Variants in STK24 observed in about 807,000 individuals in gnomAD.
The protein encoded by STK24 is serine/threonine kinase 24.
STK24 carries 21 observed loss-of-function variants against 55.6 expected under a neutral mutation model. The ratio of observed to expected loss-of-function variants is 0.38; its 90% CI spans 0.27 to 0.54. The LOEUF (loss-of-function observed/expected upper bound fraction) is 0.54. STK24 is among the 20% of genes least tolerant of loss of function. The pLI is 0.79. For synonymous variants in STK24, 200 were observed against 215.2 expected, an observed-to-expected ratio of 0.93 and a Z score of 0.62; for missense variants, 383 against 538.4, an observed-to-expected ratio of 0.71 and a Z score of 2.86.
intron 2 of STK24, among the ~76,000 whole-genome samples, chr13:98,513,851 C>T (rs9513436): frequency 0.25 from 38,723 of 152,122 alleles, 5,134 homozygotes; most frequent in Non-Finnish European, 0.3. Flanking sequence ...AGTTCACCCA[C>T]ACCAAGCATA....
At chr13:98,576,254 G>A in intron 1 of STK24, 1 of 981,246 alleles carries the variant, frequency 1.0e-6, no homozygotes, top group Non-Finnish European at 1.2e-6. Context: ...ACGAGTCCAG[G>A]CGCGCTCCCC....
chr13:98,532,838 T>A (rs565204435), intron 1 of STK24, among the ~76,000 whole-genome samples: 2 of 152,260 alleles, frequency 1.3e-5, no homozygotes, highest in Non-Finnish European at 2.9e-5. Flanking sequence ...CATGAACAGA[T>A]AATTTACTTC....
At position 98,519,479 on chromosome 13, in the gene STK24, G is replaced by C. The variant is rs773514315; in HGVS notation, c.43-6C>G. On this transcript the variant is annotated splice_region_variant and splice_polypyrimidine_tract_variant and intron_variant, in intron 1 of 10. Transcript: ENST00000539966. ...TCTGGGTCTGCCTTTAGGTTCTGTA[G>C]AGAGAAGGAAGAGAAAAGGGAAACT... is the stretch of plus-strand genomic sequence containing the variant. 3 of 1,611,912 alleles carry C rather than the reference G, an allele frequency of 1.9e-6. No individual in the cohort carries two copies. Among genetic ancestry groups the C allele is most frequent in the South Asian group, 2.2e-5 (2 of 90,960 alleles).
chr13:98,534,208 C>G (rs1415091068), intron 1 of STK24, among the ~76,000 whole-genome samples: 1 of 152,224 alleles, frequency 6.6e-6, no homozygotes, highest in Non-Finnish European at 1.5e-5. Flanking sequence ...GTGTGGGGTA[C>G]TTTTCTTCAA....
In STK24 at chr13:98,538,985, GA is replaced by G. The variant is rs1173609598; in HGVS notation, c.43-19513del. ...AGACACAGGAGTCAGGGCTGGTGGG[GA>G]GGGGGACACAGAAAGGAAAGGGCGA... On this transcript the variant is annotated intron_variant, in intron 1 of 10. Coordinates refer to ENST00000539966, the MANE Select transcript of STK24 (RefSeq NM_001032296.4). 1.1e-4 allele frequency among the ~76,000 whole-genome samples: 17 copies of G among 152,340 alleles called. No homozygotes were observed. In the East Asian group the frequency reaches 3.3e-3, roughly 29 times the overall value.
intron 2 of STK24, among the ~76,000 whole-genome samples, chr13:98,512,882 T>C (rs753477628): frequency 2.6e-5 from 4 of 152,320 alleles, no homozygotes; most frequent in Admixed American, 6.5e-5. Context: ...CTCCCTCTCA[T>C]CTGTGGTGTC....
At chr13:98,571,857 C>T (rs767547916) in intron 1 of STK24, among the ~76,000 whole-genome samples, 7 of 152,212 alleles carry the variant, frequency 4.6e-5, no homozygotes, top group South Asian at 2.1e-4. Context: ...GCTCCCCACT[C>T]GCATCCCTGG....
chr13:98,556,450 G>A (rs957681945), intron 1 of STK24, among the ~76,000 whole-genome samples: 5 of 152,204 alleles, frequency 3.3e-5, no homozygotes, highest in African/African-American at 4.8e-5. Context: ...TCAGTGCTGT[G>A]AGCAGATGAA....
chr13:98,483,513 C>T (rs759089553), intron 2 of STK24, among the ~76,000 whole-genome samples: 3 of 152,222 alleles, frequency 2.0e-5, no homozygotes, highest in Non-Finnish European at 4.4e-5. Context: ...CCAGGTCTCA[C>T]TGCGCTGACT....
intron 1 of STK24, among the ~76,000 whole-genome samples, chr13:98,560,838 G>A (rs908976325): frequency 5.3e-5 from 8 of 150,918 alleles, no homozygotes; most frequent in African/African-American, 1.9e-4. Context: ...CCGAGATCAC[G>A]CCACTGCACT....
At position 98,522,075 on chromosome 13, in the gene STK24, G is replaced by A; in HGVS notation, c.43-2602C>T. The A allele has an allele frequency of 4.4e-6, 6 of 1,372,004 alleles. No individual in the cohort carries two copies. The South Asian group carries it at 4.8e-5, about 11-fold the overall frequency. The allele number at this position is 1,372,004 out of a possible 1,614,324, so 85.0% of individuals were successfully genotyped here. The stretch of plus-strand genomic sequence containing the variant: ...GACCTGCCCGGTCCTCCCCACCACT[G>A]CAGCCTGGCTCCGCTCTGGATCCGG... On this transcript the variant is annotated intron_variant, in intron 1 of 10. Coordinates refer to ENST00000539966, the MANE Select transcript of STK24 (RefSeq NM_001032296.4).
At chr13:98,474,500 T>C (rs1278164732) in intron 5 of STK24, among the ~76,000 whole-genome samples, 1 of 151,884 alleles carries the variant, frequency 6.6e-6, no homozygotes, top group African/African-American at 2.4e-5. Context: ...CGCACACGCC[T>C]CCACCCCTCA....
intron 2 of STK24, among the ~76,000 whole-genome samples, chr13:98,497,244 C>A (rs967919632): frequency 3.3e-5 from 5 of 152,168 alleles, no homozygotes; most frequent in African/African-American, 4.8e-5. Context: ...CCACTGAGGG[C>A]TCCAGAAGCC....
intron 2 of STK24, among the ~76,000 whole-genome samples, chr13:98,490,523 A>G (rs1894981705): frequency 6.6e-6 from 1 of 152,138 alleles, no homozygotes. Flanking sequence ...GAACTCTTAC[A>G]TTATCTCAGC....
intron 1 of STK24, among the ~76,000 whole-genome samples, chr13:98,544,045 C>A (rs1896967645): frequency 6.6e-6 from 1 of 152,126 alleles, no homozygotes; most frequent in Non-Finnish European, 1.5e-5. Flanking sequence ...CTAGTAAAAG[C>A]CATTAAATGA....
intron 2 of STK24, among the ~76,000 whole-genome samples, chr13:98,498,550 ACT>A (rs1895332266): frequency 6.6e-6 from 1 of 152,220 alleles, no homozygotes; most frequent in Admixed American, 6.5e-5. Context: ...GGATCCTGTA[ACT>A]TGGGATGAGC....
chr13:98,543,093 C>A, intron 1 of STK24: 1 of 898,320 alleles, frequency 1.1e-6, no homozygotes, highest in Non-Finnish European at 1.3e-6. Context: ...GCCGCAGCTC[C>A]GCTCCGGCTG....
At chr13:98,465,179 C>A (rs1414760904) in intron 6 of STK24, among the ~76,000 whole-genome samples, 1 of 152,214 alleles carries the variant, frequency 6.6e-6, no homozygotes, top group African/African-American at 2.4e-5. Flanking sequence ...GAACCAAGTT[C>A]CCACTCACTC....
At chr13:98,457,721 C>T (rs1408521960) in intron 9 of STK24, among the ~76,000 whole-genome samples, 3 of 152,196 alleles carry the variant, frequency 2.0e-5, no homozygotes, top group East Asian at 1.9e-4. Flanking sequence ...CCGCCCGCCT[C>T]GGCCTCTCAA....
Sources: allele counts gnomAD v4.1 joint callset (sites outside exome capture counted in the v4.1 genomes callset), GRCh38; gene constraint gnomAD v4.1.1; transcripts MANE v1.5; gene names NCBI Gene and HGNC (gene_info 2026-07-23, HGNC 2026-07-21).